The following NAALADL2 variants were observed in gnomAD, a reference collection of about 807,000 sequenced individuals.
NAALADL2 encodes the protein N-acetylated alpha-linked acidic dipeptidase like 2.
NAALADL2 carries 76 observed loss-of-function variants against 87.2 expected under a neutral mutation model. The ratio of observed to expected loss-of-function variants is 0.87; its 90% CI spans 0.72 to 1.05. The LOEUF (loss-of-function observed/expected upper bound fraction) is 1.05. NAALADL2 is among the 50% of genes least tolerant of loss of function. NAALADL2 has a pLI of 0.00. For synonymous variants in NAALADL2, 354 were observed against 331.0 expected (o/e 1.07, Z -0.75); for missense variants, 1,089 against 945.8 (o/e 1.15, Z -1.99).
At chr3:174,807,886 T>TGA (rs1438334785) in intron 3 of NAALADL2, among the ~76,000 whole-genome samples, 11 of 144,432 alleles carry the variant, frequency 7.6e-5, no homozygotes, top group African/African-American at 2.2e-4. Flanking sequence ...TGTGTGTGTG[T>TGA]GTGAGAGAGA....
At chr3:174,805,387 TG>T (rs1325229110) in intron 3 of NAALADL2, among the ~76,000 whole-genome samples, 1 of 152,180 alleles carries the variant, frequency 6.6e-6, no homozygotes, top group Non-Finnish European at 1.5e-5. Flanking sequence ...TTCTGTTTTT[TG>T]TTCTTTTTTT....
chr3:175,681,675 G>C (rs1439873102), intron 11 of NAALADL2, among the ~76,000 whole-genome samples: 6 of 152,046 alleles, frequency 3.9e-5, no homozygotes. Flanking sequence ...ACAAAACAAG[G>C]GTTAAACTAT....
intron 1 of NAALADL2, among the ~76,000 whole-genome samples, chr3:174,861,866 A>G (rs973590340): frequency 1.3e-5 from 2 of 151,590 alleles, no homozygotes; most frequent in African/African-American, 4.9e-5. Context: ...TATGCCATTA[A>G]CATTTAGTGT....
At chr3:174,469,006 G>A (rs1279633593) in intron 1 of NAALADL2, among the ~76,000 whole-genome samples, 1 of 151,726 alleles carries the variant, frequency 6.6e-6, no homozygotes, top group African/African-American at 2.4e-5. Context: ...CAGGTGATCC[G>A]CCCGCCCTGG....
chr3:175,163,230 C>A (rs1733498721), intron 2 of NAALADL2, among the ~76,000 whole-genome samples: 1 of 151,932 alleles, frequency 6.6e-6, no homozygotes, highest in South Asian at 2.1e-4. Context: ...GACCAGTTTT[C>A]CACTTTAAAA....
chr3:175,305,443 A>C (rs891581982), intron 4 of NAALADL2, among the ~76,000 whole-genome samples: 1 of 152,140 alleles, frequency 6.6e-6, no homozygotes, highest in Non-Finnish European at 1.5e-5. Flanking sequence ...TTCTATCATG[A>C]ATGTCAAATA....
intron 3 of NAALADL2, among the ~76,000 whole-genome samples, chr3:174,802,135 A>G (rs909831596): frequency 6.6e-6 from 1 of 152,006 alleles, no homozygotes; most frequent in African/African-American, 2.4e-5. Flanking sequence ...TTTTCTAACA[A>G]TATATTAAAC....
rs375249858 is a variant in NAALADL2 at position 175,097,189 on chromosome 3, C to T, written c.443C>T (p.Thr148Ile). 7.8e-5 allele frequency: 126 copies of T among 1,613,562 alleles called. No individual in the cohort carries two copies. In the African/African-American group the frequency reaches 1.5e-3, roughly 19 times the overall value. The change falls in exon 2 of 14, where the codon ACA (threonine) becomes ATA (isoleucine). Residue 148 changes from threonine (T) to isoleucine (I), a missense_variant. Thr to Ile is a moderately conservative substitution (Grantham distance 89, BLOSUM62 -1). Coordinates refer to ENST00000454872, the MANE Select transcript of NAALADL2 (RefSeq NM_207015.3). ...ATTTTGATAGGTTATTATGTACATA[C>T]AAATTGCCCTTCAGATGCTCCATCT... The part of the protein sequence containing the change: ...FGILIGYYVH[T>I]NCPSDAPSSG...
At chr3:175,314,687 T>C (rs1396764823) in intron 4 of NAALADL2, among the ~76,000 whole-genome samples, 2 of 33,066 alleles carry the variant, frequency 6.0e-5, no homozygotes, top group African/African-American at 4.4e-4. Context: ...TATATATATA[T>C]ATATATATAT....
intron 10 of NAALADL2, among the ~76,000 whole-genome samples, chr3:175,589,977 C>A (rs546706587): frequency 6.6e-6 from 1 of 152,018 alleles, no homozygotes; most frequent in Non-Finnish European, 1.5e-5. Context: ...CTTTGGGAGG[C>A]CGAGGCAGGC....
chr3:174,845,489 C>T (rs1358999541), intron 3 of NAALADL2, among the ~76,000 whole-genome samples: 2 of 152,160 alleles, frequency 1.3e-5, no homozygotes, highest in Non-Finnish European at 2.9e-5. Context: ...TCTGGTAGGG[C>T]AAGACCATTT....
chr3:175,327,825 G>A (rs1472821973), intron 5 of NAALADL2, among the ~76,000 whole-genome samples: 1 of 152,118 alleles, frequency 6.6e-6, no homozygotes, highest in African/African-American at 2.4e-5. Flanking sequence ...AAAAGTCTAT[G>A]TGAATCCAAT....
intron 9 of NAALADL2, among the ~76,000 whole-genome samples, chr3:175,506,895 C>G (rs1255037723): frequency 1.3e-5 from 2 of 152,076 alleles, no homozygotes; most frequent in African/African-American, 4.8e-5. Flanking sequence ...GATGATACCC[C>G]CTGTTCACTC....
chr3:175,021,216 G>A (rs1751512292), intron 1 of NAALADL2, among the ~76,000 whole-genome samples: 1 of 151,984 alleles, frequency 6.6e-6, no homozygotes, highest in South Asian at 2.1e-4. Flanking sequence ...TACGCAATTT[G>A]TCCATTCATT....
chr3:175,627,183 C>T, intron 10 of NAALADL2, 108 bp from the exon 11 acceptor site: 1 of 822,744 alleles, frequency 1.2e-6, no homozygotes, highest in Non-Finnish European at 2.0e-6. Flanking sequence ...TCAACAGAAA[C>T]CTTAAGGCAA....
At chr3:175,075,781 G>A (rs1716472931) in intron 1 of NAALADL2, among the ~76,000 whole-genome samples, 1 of 152,070 alleles carries the variant, frequency 6.6e-6, no homozygotes, top group Non-Finnish European at 1.5e-5. Context: ...GTAAAATTGT[G>A]TCACAACTGA....
At chr3:175,206,244 C>A (rs1433405737) in intron 2 of NAALADL2, among the ~76,000 whole-genome samples, 3 of 107,950 alleles carry the variant, frequency 2.8e-5, no homozygotes, top group Admixed American at 1.0e-4. Flanking sequence ...GGATAAAAAA[C>A]TATATATATA....
intron 1 of NAALADL2, among the ~76,000 whole-genome samples, chr3:174,522,512 T>C (rs1232937612): frequency 2.0e-5 from 3 of 151,900 alleles, no homozygotes; most frequent in African/African-American, 7.3e-5. Flanking sequence ...GAAAAAAAAT[T>C]ACATGGGCAT....
intron 9 of NAALADL2, among the ~76,000 whole-genome samples, chr3:175,521,644 G>C (rs1169917791): frequency 1.3e-5 from 2 of 152,176 alleles, no homozygotes; most frequent in South Asian, 2.1e-4. Flanking sequence ...CTGGTAGTTA[G>C]AGAAATTTTA....
Sources: allele counts gnomAD v4.1 joint callset (sites outside exome capture counted in the v4.1 genomes callset), GRCh38; gene constraint gnomAD v4.1.1; transcripts MANE v1.5; gene names NCBI Gene and HGNC (gene_info 2026-07-23, HGNC 2026-07-21).